EPM2A: variants seen among roughly 807,000 people sequenced by gnomAD.
EPM2A encodes EPM2A glucan phosphatase, laforin.
Under a neutral mutation model 26.5 loss-of-function variants are expected in EPM2A, and 21 were observed. That is an observed-to-expected ratio of 0.79 (90% CI 0.56 to 1.14). EPM2A has a LOEUF of 1.14. EPM2A is among the 50% of genes most tolerant of loss of function. The pLI is 0.00. For synonymous variants in EPM2A, 217 were observed against 177.6 expected, an observed-to-expected ratio of 1.22 and a Z score of -1.76; for missense variants, 458 against 440.8, an observed-to-expected ratio of 1.04 and a Z score of -0.35.
chr6:145,715,598 A>G (rs1775571828), intron 1 of EPM2A, among the ~76,000 whole-genome samples: 1 of 152,184 alleles, frequency 6.6e-6, no homozygotes, highest in Non-Finnish European at 1.5e-5. Context: ...CAGGCGAGTG[A>G]GTGAGCAAAG....
At chr6:145,392,504 C>A (rs936670717) in intron 4 of EPM2A, among the ~76,000 whole-genome samples, 2 of 152,046 alleles carry the variant, frequency 1.3e-5, no homozygotes, top group African/African-American at 4.8e-5. Context: ...TCCTTTCTTC[C>A]CTTCCCCTTC....
intron 2 of EPM2A, among the ~76,000 whole-genome samples, chr6:145,522,070 A>T (rs1174483815): frequency 6.6e-6 from 1 of 152,082 alleles, no homozygotes; most frequent in African/African-American, 2.4e-5. Flanking sequence ...CTCCTGCCTC[A>T]GTCTCCCAAG....
intron 4 of EPM2A, among the ~76,000 whole-genome samples, chr6:145,419,502 T>TATATATATC (rs1778754483): frequency 6.6e-6 from 1 of 152,188 alleles, no homozygotes; most frequent in African/African-American, 2.4e-5. Context: ...TGATGTGAAT[T>TATATATATC]GCCTTAAATA....
intron 1 of EPM2A, among the ~76,000 whole-genome samples, chr6:145,703,732 A>G (rs939882090): frequency 2.6e-5 from 4 of 152,210 alleles, no homozygotes; most frequent in Non-Finnish European, 5.9e-5. Context: ...CTTAATATCA[A>G]CAAAAGTCAG....
chr6:145,657,033 T>C (rs1381018961), intron 2 of EPM2A, among the ~76,000 whole-genome samples: 4 of 150,998 alleles, frequency 2.6e-5, no homozygotes, highest in Admixed American at 6.6e-5. Flanking sequence ...GAATCAACAA[T>C]GAAATTTGAA....
At chr6:145,689,249 A>G (rs1781124980) in intron 1 of EPM2A, among the ~76,000 whole-genome samples, 1 of 152,190 alleles carries the variant, frequency 6.6e-6, no homozygotes, top group Non-Finnish European at 1.5e-5. Context: ...AATGTCTTTT[A>G]GAGGATGGGT....
downstream of EPM2A, among the ~76,000 whole-genome samples, chr6:145,620,457 G>A (rs1275713742): frequency 2.0e-5 from 3 of 152,116 alleles, no homozygotes; most frequent in Non-Finnish European, 4.4e-5. Context: ...GAGCCACAGG[G>A]GTTGGAGACC....
chr6:145,730,358 C>T (rs1194144088), intron 1 of EPM2A, among the ~76,000 whole-genome samples: 1 of 152,172 alleles, frequency 6.6e-6, no homozygotes, highest in Non-Finnish European at 1.5e-5. Context: ...AAGGATGATT[C>T]TTCCACTCTT....
intron 2 of EPM2A, among the ~76,000 whole-genome samples, chr6:145,585,377 G>A (rs1781179694): frequency 6.6e-6 from 1 of 152,026 alleles, no homozygotes; most frequent in Non-Finnish European, 1.5e-5. Context: ...GCTTCTTGAA[G>A]TTTTCTCACA....
At chr6:145,466,702 A>G (rs1562346274) in intron 4 of EPM2A, among the ~76,000 whole-genome samples, 1 of 152,194 alleles carries the variant, frequency 6.6e-6, no homozygotes, top group Non-Finnish European at 1.5e-5. Context: ...AGGTATGTTT[A>G]TTGCGGCATT....
intron 4 of EPM2A, among the ~76,000 whole-genome samples, chr6:145,384,270 TAAC>T (rs1370384052): frequency 5.9e-5 from 9 of 152,282 alleles, no homozygotes; most frequent in African/African-American, 1.7e-4. Flanking sequence ...ACGTAAACGA[TAAC>T]AACAAGGGAC....
chr6:145,703,190 C>T (rs1377135394), intron 1 of EPM2A, among the ~76,000 whole-genome samples: 1 of 149,944 alleles, frequency 6.7e-6, no homozygotes, highest in African/African-American at 2.5e-5. Context: ...CTCCTGGGTT[C>T]ACACCACTCT....
At chr6:145,656,999 T>TA (rs1421541023) in intron 2 of EPM2A, among the ~76,000 whole-genome samples, 2 of 152,010 alleles carry the variant, frequency 1.3e-5, no homozygotes, top group Non-Finnish European at 2.9e-5. Context: ...GAATTCGTGT[T>TA]AGAGAATTTC....
chr6:145,574,166 A>G (rs565985997), intron 2 of EPM2A, among the ~76,000 whole-genome samples: 1 of 152,158 alleles, frequency 6.6e-6, no homozygotes, highest in Admixed American at 6.5e-5. Context: ...TTGAGGGGCC[A>G]TGATTCTCTG....
At chr6:145,448,771 C>T (rs910976865) in intron 4 of EPM2A, among the ~76,000 whole-genome samples, 2 of 152,124 alleles carry the variant, frequency 1.3e-5, no homozygotes, top group Admixed American at 1.3e-4. Flanking sequence ...AGAGATGATA[C>T]ATAGACTAAA....
intron 2 of EPM2A, among the ~76,000 whole-genome samples, chr6:145,553,239 G>C (rs1431926092): frequency 2.0e-5 from 3 of 152,134 alleles, no homozygotes; most frequent in Non-Finnish European, 4.4e-5. Context: ...GCTCTCACCA[G>C]CCGTGCATAA....
intron 2 of EPM2A, among the ~76,000 whole-genome samples, chr6:145,591,514 C>T (rs1427389490): frequency 6.6e-6 from 1 of 152,122 alleles, no homozygotes; most frequent in Non-Finnish European, 1.5e-5. Flanking sequence ...AGGAAACTCT[C>T]ATCACAAACC....
chr6:145,503,666 G>A (rs1050353300), intron 2 of EPM2A, among the ~76,000 whole-genome samples: 4 of 98,546 alleles, frequency 4.1e-5, no homozygotes, highest in African/African-American at 1.3e-4. Flanking sequence ...TGGTCATACT[G>A]CCCAAGGTAA....
chr6:145,722,806 G>C (rs780545055), intron 1 of EPM2A: 3 of 442,632 alleles, frequency 6.8e-6, no homozygotes, highest in Non-Finnish European at 1.4e-5. Flanking sequence ...AGAAATTTGG[G>C]CACAGAGACA....
Sources: allele counts gnomAD v4.1 joint callset (sites outside exome capture counted in the v4.1 genomes callset), GRCh38; gene constraint gnomAD v4.1.1; transcripts MANE v1.5; gene names NCBI Gene and HGNC (gene_info 2026-07-23, HGNC 2026-07-21).